SPMIP6: variants seen among roughly 807,000 people sequenced by gnomAD.
SPMIP6 encodes the protein ciliated bronchial epithelial protein 1.
chr9:34,379,053 C>G, the SPMIP6 span: 1 of 1,378,068 alleles, frequency 7.3e-7, no homozygotes, highest in South Asian at 1.2e-5. This position sits in a 1 kb window ranked among gnomAD's most constrained non-coding sequence, Gnocchi z 4.2. Flanking sequence ...TGCTCTGCCC[C>G]CTTGGCACAG....
At chr9:34,388,776 CAT>C in the SPMIP6 span, among the ~76,000 whole-genome samples, 26 of 152,234 alleles carry the variant, frequency 1.7e-4, no homozygotes, top group Non-Finnish European at 2.4e-4. Context: ...GGAGTCAAAA[CAT>C]GTGTTCAATT....
At chr9:34,386,566 C>T in the SPMIP6 span, among the ~76,000 whole-genome samples, 3 of 144,980 alleles carry the variant, frequency 2.1e-5, no homozygotes, top group African/African-American at 5.1e-5. Flanking sequence ...TCCAGTCTGG[C>T]GACAGAGCAA....
chr9:34,389,265 T>C, the SPMIP6 span, among the ~76,000 whole-genome samples: 2 of 152,164 alleles, frequency 1.3e-5, no homozygotes, highest in African/African-American at 4.8e-5. Context: ...AACCTCTTCT[T>C]GTGTGGTCAG....
the SPMIP6 span, chr9:34,385,535 CAAAAAAAAAAA>C: frequency 2.4e-5 from 7 of 296,988 alleles, no homozygotes; most frequent in African/African-American, 8.6e-5. Flanking sequence ...AACTCCGTCT[CAAAAAAAAAAA>C]AAAAAAAAAA....
chr9:34,380,553 AG>A, the SPMIP6 span: 3 of 1,255,742 alleles, frequency 2.4e-6, no homozygotes, highest in African/African-American at 4.6e-5. Flanking sequence ...AGGGCCAAGG[AG>A]ATGGGGGAAG....
At chr9:34,381,894 C>G in the SPMIP6 span, 1 of 624,810 alleles carries the variant, frequency 1.6e-6, no homozygotes, top group Non-Finnish European at 2.0e-6. This position sits in a 1 kb window ranked among gnomAD's most constrained non-coding sequence, Gnocchi z 4.4. Flanking sequence ...TTAAGAGCCC[C>G]GGCTCTGGTT....
chr9:34,397,498 C>T, the SPMIP6 span: 2 of 1,614,126 alleles, frequency 1.2e-6, no homozygotes, highest in Non-Finnish European at 1.7e-6. Context: ...CTCCCACTTA[C>T]CGGAGTCAGA....
chr9:34,387,509 T>TAC, the SPMIP6 span, among the ~76,000 whole-genome samples: 16 of 150,854 alleles, frequency 1.1e-4, no homozygotes, highest in African/African-American at 2.2e-4. Flanking sequence ...CTCCGAGCTT[T>TAC]ACACACACAC....
chr9:34,393,413 T>C, the SPMIP6 span, among the ~76,000 whole-genome samples: 1 of 152,230 alleles, frequency 6.6e-6, no homozygotes, highest in Non-Finnish European at 1.5e-5. Flanking sequence ...CTTTATTGTA[T>C]ATAGACCTGA....
the SPMIP6 span, among the ~76,000 whole-genome samples, chr9:34,394,966 C>CT: frequency 6.1e-3 from 885 of 144,162 alleles, 6 homozygotes; most frequent in Middle Eastern, 7.2e-3. Flanking sequence ...TTCCTTCATT[C>CT]TTTTTTTTTT....
At chr9:34,379,750 C>A in the SPMIP6 span, 1 of 1,604,944 alleles carries the variant, frequency 6.2e-7, no homozygotes, top group Non-Finnish European at 8.5e-7. The surrounding 1 kb of genome is among the most constrained non-coding windows in gnomAD (Gnocchi z 4.2). Context: ...AGGAGGAAGC[C>A]GCGAGCATGG....
chr9:34,388,044 G>T, the SPMIP6 span, among the ~76,000 whole-genome samples: 1 of 152,028 alleles, frequency 6.6e-6, no homozygotes, highest in Non-Finnish European at 1.5e-5. Flanking sequence ...CAGTCCTGAG[G>T]TCCTTGCCAA....
chr9:34,389,098 A>T, the SPMIP6 span, among the ~76,000 whole-genome samples: 1 of 151,268 alleles, frequency 6.6e-6, no homozygotes, highest in African/African-American at 2.4e-5. Context: ...CACCCAGCTG[A>T]TTTTTTTTTA....
the SPMIP6 span, chr9:34,381,811 G>A: frequency 2.1e-6 from 2 of 972,360 alleles, no homozygotes; most frequent in Non-Finnish European, 2.4e-6. The surrounding 1 kb of genome is among the most constrained non-coding windows in gnomAD (Gnocchi z 4.4). Context: ...GAGAACTTGT[G>A]AAAGATTCGA....
chr9:34,385,551 A>AAT, the SPMIP6 span: 3 of 1,072,440 alleles, frequency 2.8e-6, no homozygotes, highest in Admixed American at 6.1e-5. Flanking sequence ...AAAAAAAAAA[A>AAT]AAAAAAAAAG....
At chr9:34,391,590 A>G in the SPMIP6 span, among the ~76,000 whole-genome samples, 1 of 152,138 alleles carries the variant, frequency 6.6e-6, no homozygotes, top group Non-Finnish European at 1.5e-5. Context: ...AGTTCTGAGT[A>G]TATTTCCATT....
At chr9:34,383,534 T>C in the SPMIP6 span, among the ~76,000 whole-genome samples, 4 of 152,264 alleles carry the variant, frequency 2.6e-5, no homozygotes, top group African/African-American at 9.6e-5. Flanking sequence ...AATAAATAGA[T>C]AAATAACTTG....
chr9:34,379,654 C>A, the SPMIP6 span: 1 of 1,614,026 alleles, frequency 6.2e-7, no homozygotes, highest in Admixed American at 1.7e-5. The surrounding 1 kb of genome is among the most constrained non-coding windows in gnomAD (Gnocchi z 4.2). Context: ...ACCTAAGGTT[C>A]GGATATGGGT....
the SPMIP6 span, among the ~76,000 whole-genome samples, chr9:34,388,094 G>A: frequency 6.7e-6 from 1 of 150,048 alleles, no homozygotes; most frequent in African/African-American, 2.5e-5. Flanking sequence ...GAGGTGGGCA[G>A]TTACCCTGTG....
Sources: allele counts gnomAD v4.1 joint callset (sites outside exome capture counted in the v4.1 genomes callset), GRCh38; gene constraint gnomAD v4.1.1; non-coding constraint Gnocchi (gnomAD v3.1); transcripts MANE v1.5; gene names NCBI Gene and HGNC (gene_info 2026-07-23, HGNC 2026-07-21).